GPBP1: variants seen among roughly 807,000 people sequenced by gnomAD.
GPBP1 encodes the protein vasculin.
A neutral mutation model predicts 56.5 loss-of-function variants in GPBP1; 13 were observed. The observed-to-expected ratio is 0.23, with a 90% confidence interval of 0.15 to 0.37. The LOEUF is 0.37. GPBP1 is among the 10% of genes least tolerant of loss of function. The probability of loss-of-function intolerance (pLI) is 1.00; values close to 1 mark genes in which losing one functional copy is unlikely to be tolerated. For missense variants in GPBP1, 477 were observed against 572.3 expected (o/e 0.83, Z 1.70); for synonymous variants, 204 against 188.9 (o/e 1.08, Z -0.66).
In GPBP1 at chr5:57,228,377, C is replaced by T. The variant is rs1756287189; in HGVS notation, c.64-2469C>T. 2.6e-5 allele frequency among the ~76,000 whole-genome samples: 4 copies of T among 151,904 alleles called. No individual in the cohort carries two copies. In the South Asian group the frequency reaches 8.3e-4, roughly 32 times the overall value. On this transcript the variant is annotated intron_variant, in intron 3 of 11. Coordinates refer to ENST00000506184, the MANE Select transcript of GPBP1 (RefSeq NM_022913.4). Reference sequence around the variant, plus strand: ...GGCTGAGGCAGGAGAATCATTTGAACCTGGGAGACGGAGGTTGCAGTGAGC... The same window carrying T: ...GGCTGAGGCAGGAGAATCATTTGAATCTGGGAGACGGAGGTTGCAGTGAGC...
rs562335983 is a variant in GPBP1 at position 57,249,589 on chromosome 5, A to C, written c.972+13A>C. 2 of 1,588,992 alleles carry C rather than the reference A, an allele frequency of 1.3e-6. No homozygotes were observed. The highest frequency in any genetic ancestry group is 2.3e-5 in the South Asian group (2 of 88,056). ...TGGCTCAGAGAAGGTAATTGAATTT[A>C]TAGCAATACTTGATTTGACATTGAT... On this transcript the variant is annotated intron_variant, in intron 9 of 11. Coordinates refer to ENST00000506184, the MANE Select transcript of GPBP1 (RefSeq NM_022913.4).
intron 9 of GPBP1, among the ~76,000 whole-genome samples, 155 bp downstream of exon 9, chr5:57,249,731 T>G (rs1289921719): frequency 7.4e-6 from 1 of 135,144 alleles, no homozygotes; most frequent in Non-Finnish European, 1.6e-5. Context: ...TCCCCTCCTC[T>G]CTCCTTTTCT....
rs548438983 is a variant in GPBP1 at position 57,217,584 on chromosome 5, CAAAA to C, written c.63+3394_63+3397del. On this transcript the variant is annotated intron_variant, in intron 3 of 11. Transcript: ENST00000506184. ...GAAATACTGTCTCAAAACAAACAAA[CAAAA>C]AACACAAAAAAACACAACTACAAGT... is the stretch of plus-strand genomic sequence containing the variant. 4.7e-3 allele frequency among the ~76,000 whole-genome samples: 715 copies of C among 151,660 alleles called. 8 individuals are homozygous for C. Among genetic ancestry groups the C allele is most frequent in the African/African-American group, 0.016 (659 of 41,316 alleles).
rs976114952 is a variant in GPBP1 at position 57,224,642 on chromosome 5, T to C, written c.64-6204T>C. Among the ~76,000 whole-genome samples the C allele has an allele frequency of 7.9e-5, 12 of 152,240 alleles. No individual in the cohort carries two copies. In the East Asian group the frequency reaches 2.3e-3, roughly 29 times the overall value. On this transcript the variant is annotated intron_variant, in intron 3 of 11. Coordinates refer to ENST00000506184, the MANE Select transcript of GPBP1 (RefSeq NM_022913.4). ...TTTGTAGAGATGGGGTCTTGCTATG[T>C]TGCCAAGGCTGGTCTTGAACTCCTG...
At chr5:57,200,144 C>A (rs1345221586) in intron 2 of GPBP1, among the ~76,000 whole-genome samples, 1 of 148,894 alleles carries the variant, frequency 6.7e-6, no homozygotes, top group African/African-American at 2.5e-5. Context: ...CGCCCCTCCC[C>A]TCCCCTGCTT....
chr5:57,254,710 G>C (rs1426133140), intron 10 of GPBP1, among the ~76,000 whole-genome samples: 2 of 147,194 alleles, frequency 1.4e-5, no homozygotes, highest in Non-Finnish European at 3.0e-5. Flanking sequence ...AAAAAAAAAA[G>C]AGTAAGTTTT....
intron 2 of GPBP1, among the ~76,000 whole-genome samples, chr5:57,203,926 A>G (rs1755122545): frequency 6.6e-6 from 1 of 152,166 alleles, no homozygotes; most frequent in African/African-American, 2.4e-5. Context: ...AATTTTTGCT[A>G]CCTTTAGAGG....
chr5:57,207,838 C>T (rs1240920792), intron 2 of GPBP1, among the ~76,000 whole-genome samples: 2 of 152,100 alleles, frequency 1.3e-5, no homozygotes, highest in Admixed American at 6.6e-5. Flanking sequence ...CTTCTTTGGT[C>T]GATGGCCTGC....
intron 2 of GPBP1, among the ~76,000 whole-genome samples, chr5:57,210,518 A>G (rs1755430173): frequency 6.6e-6 from 1 of 152,164 alleles, no homozygotes; most frequent in Non-Finnish European, 1.5e-5. Context: ...CTGAGTTGTT[A>G]GTAGGACTGT....
intron 3 of GPBP1, among the ~76,000 whole-genome samples, chr5:57,224,403 C>G (rs767691891): frequency 6.6e-6 from 1 of 151,448 alleles, no homozygotes; most frequent in Non-Finnish European, 1.5e-5. Flanking sequence ...CCACCATGCC[C>G]GGCTAATTTT....
intron 3 of GPBP1, among the ~76,000 whole-genome samples, chr5:57,218,846 A>G (rs894734538): frequency 2.6e-5 from 4 of 152,212 alleles, no homozygotes; most frequent in Admixed American, 2.6e-4. Context: ...TATGTGTTGA[A>G]AAAGATACAC....
chr5:57,219,108 A>G (rs1042187530), intron 3 of GPBP1, among the ~76,000 whole-genome samples: 1 of 151,958 alleles, frequency 6.6e-6, no homozygotes, highest in Admixed American at 6.6e-5. Context: ...GGGCGTGGTG[A>G]CTCACGTCTG....
At chr5:57,222,682 C>T (rs1234978359) in intron 3 of GPBP1, among the ~76,000 whole-genome samples, 1 of 151,976 alleles carries the variant, frequency 6.6e-6, no homozygotes, top group Non-Finnish European at 1.5e-5. Context: ...AATACCTGGG[C>T]ATTTCTTTGA....
intron 7 of GPBP1, 69 bp from the exon 8 acceptor site, chr5:57,247,006 T>C (rs921690735): frequency 2.1e-6 from 3 of 1,415,098 alleles, no homozygotes; most frequent in Non-Finnish European, 1.9e-6. Flanking sequence ...TTTTATAATA[T>C]TCACTGTTTT....
At chr5:57,252,856 C>G (rs971923450) in intron 10 of GPBP1, among the ~76,000 whole-genome samples, 6 of 151,896 alleles carry the variant, frequency 4.0e-5, no homozygotes, top group African/African-American at 1.5e-4. Flanking sequence ...AATACAGGCA[C>G]ACGCCACCAT....
intron 6 of GPBP1, among the ~76,000 whole-genome samples, chr5:57,236,364 T>G (rs1391698755): frequency 6.6e-6 from 1 of 152,206 alleles, no homozygotes; most frequent in African/African-American, 2.4e-5. Context: ...TTTAAATTAA[T>G]TTTTAGTTGT....
At position 57,262,924 on chromosome 5, in the gene GPBP1, GA is replaced by G. The variant is rs1741964460; in HGVS notation, c.*174del. On this transcript the variant is annotated 3_prime_UTR_variant, in exon 12 of 12. Transcript: ENST00000506184. ...CAAGAATGTTTTGTTGGGCTGTGTT[GA>G]ACATTATTTCTTTGTAAATGAATGT... is the stretch of plus-strand genomic sequence containing the variant. 1 of 543,922 alleles carries G rather than the reference GA, an allele frequency of 1.8e-6. No individual in the cohort carries two copies. Among genetic ancestry groups the G allele is most frequent in the South Asian group, 2.8e-5 (1 of 35,110 alleles). The allele number at this position is 543,922 out of a possible 1,614,324, so 33.7% of individuals were successfully genotyped here.
At chr5:57,232,180 A>G (rs903995160) in intron 5 of GPBP1, among the ~76,000 whole-genome samples, 3 of 152,110 alleles carry the variant, frequency 2.0e-5, no homozygotes, top group African/African-American at 7.2e-5. Flanking sequence ...CACTACACCT[A>G]GCTCACTATG....
intron 2 of GPBP1, among the ~76,000 whole-genome samples, chr5:57,213,088 C>T (rs77866059): frequency 0.019 from 2,932 of 150,882 alleles, 72 homozygotes; most frequent in African/African-American, 0.067. Context: ...GAGCCTTGCT[C>T]TTTTGCCCAG....
Sources: allele counts gnomAD v4.1 joint callset (sites outside exome capture counted in the v4.1 genomes callset), GRCh38; gene constraint gnomAD v4.1.1; transcripts MANE v1.5; gene names NCBI Gene and HGNC (gene_info 2026-07-23, HGNC 2026-07-21).